Variants in PTPRM observed in about 807,000 individuals in gnomAD.
PTPRM encodes receptor-type tyrosine-protein phosphatase mu.
PTPRM carries 47 observed loss-of-function variants against 186.7 expected under a neutral mutation model. The observed-to-expected ratio is 0.25, with a 90% confidence interval of 0.20 to 0.32. The LOEUF is 0.32. Ranked by LOEUF, PTPRM falls within the 10% of genes least tolerant of loss-of-function variation. The pLI, the probability that PTPRM is intolerant of heterozygous loss-of-function variation, is 1.00. For synonymous variants in PTPRM, 668 were observed against 674.9 expected (o/e 0.99, Z 0.16); for missense variants, 1,494 against 1,865.0 (o/e 0.80, Z 3.66).
chr18:7,782,187 G>A (rs753967743), intron 2 of PTPRM, among the ~76,000 whole-genome samples: 1 of 152,188 alleles, frequency 6.6e-6, no homozygotes, highest in Non-Finnish European at 1.5e-5. Flanking sequence ...CAGGCTCTGT[G>A]TAGCCTCTTT....
intron 29 of PTPRM, among the ~76,000 whole-genome samples, chr18:8,382,968 C>G (rs892641058): frequency 6.6e-6 from 1 of 152,134 alleles, no homozygotes; most frequent in Non-Finnish European, 1.5e-5. Flanking sequence ...CCTTGCCTTT[C>G]CATAGGCCAC....
chr18:7,780,286 T>A (rs1289116520), intron 2 of PTPRM, among the ~76,000 whole-genome samples: 2 of 152,190 alleles, frequency 1.3e-5, no homozygotes, highest in African/African-American at 4.8e-5. Context: ...TTTTACAACA[T>A]AGGAAACTGA....
intron 2 of PTPRM, among the ~76,000 whole-genome samples, chr18:7,837,367 T>A (rs1431856951): frequency 6.6e-6 from 1 of 152,242 alleles, no homozygotes; most frequent in Non-Finnish European, 1.5e-5. Context: ...ACTTTTTAAT[T>A]ATTTCAGTCT....
chr18:7,818,077 TC>T (rs1320614717), intron 2 of PTPRM, among the ~76,000 whole-genome samples: 1 of 152,222 alleles, frequency 6.6e-6, no homozygotes, highest in African/African-American at 2.4e-5. Flanking sequence ...CAAAATTATT[TC>T]CCTTTTATCT....
chr18:7,802,833 T>C (rs1461114634), intron 2 of PTPRM, among the ~76,000 whole-genome samples: 1 of 152,218 alleles, frequency 6.6e-6, no homozygotes, highest in African/African-American at 2.4e-5. Context: ...CTGTTATGTT[T>C]CATGCACTCT....
intron 20 of PTPRM, among the ~76,000 whole-genome samples, chr18:8,313,258 T>A (rs2095283125): frequency 6.6e-6 from 1 of 152,084 alleles, no homozygotes; most frequent in Non-Finnish European, 1.5e-5. Flanking sequence ...GGAAGTGAAG[T>A]TTTGCAAAAT....
At chr18:7,905,925 CGTT>C (rs1274103049) in intron 3 of PTPRM, among the ~76,000 whole-genome samples, 1 of 152,160 alleles carries the variant, frequency 6.6e-6, no homozygotes, top group Non-Finnish European at 1.5e-5. Flanking sequence ...TGAATCTTAA[CGTT>C]GTCTCTTGAG....
intron 2 of PTPRM, among the ~76,000 whole-genome samples, chr18:7,860,825 C>T (rs1042512776): frequency 2.0e-5 from 3 of 152,156 alleles, no homozygotes; most frequent in Non-Finnish European, 4.4e-5. Context: ...AGGCCCACTC[C>T]CTACTCTGTC....
chr18:8,213,047 G>C (rs572135315), intron 14 of PTPRM, among the ~76,000 whole-genome samples: 1 of 152,130 alleles, frequency 6.6e-6, no homozygotes, highest in Non-Finnish European at 1.5e-5. Context: ...GCCAAATAAC[G>C]TGCAGCACTG....
intron 7 of PTPRM, among the ~76,000 whole-genome samples, chr18:8,048,606 G>A (rs1476420675): frequency 6.6e-6 from 1 of 151,828 alleles, no homozygotes; most frequent in Non-Finnish European, 1.5e-5. Context: ...AAAGTTGGTA[G>A]TGAAAACACA....
chr18:7,622,005 A>G (rs1567988244), intron 1 of PTPRM, among the ~76,000 whole-genome samples: 1 of 152,154 alleles, frequency 6.6e-6, no homozygotes, highest in African/African-American at 2.4e-5. Context: ...GCTGGATCAT[A>G]TGGTAAGAAT....
intron 1 of PTPRM, among the ~76,000 whole-genome samples, chr18:7,570,513 A>G (rs1197249557): frequency 2.0e-5 from 3 of 152,232 alleles, no homozygotes; most frequent in Admixed American, 6.5e-5. Flanking sequence ...ATAAATCACT[A>G]ATGAGAATCT....
At chr18:8,106,990 A>G (rs1179653010) in intron 11 of PTPRM, among the ~76,000 whole-genome samples, 1 of 152,234 alleles carries the variant, frequency 6.6e-6, no homozygotes, top group Non-Finnish European at 1.5e-5. Flanking sequence ...TAAAATACAA[A>G]CTATAAAATA....
intron 15 of PTPRM, among the ~76,000 whole-genome samples, chr18:8,247,162 G>A (rs191666272): frequency 5.5e-4 from 84 of 152,136 alleles, no homozygotes; most frequent in African/African-American, 1.7e-3. Context: ...CATGAAGAGC[G>A]TTTTAAAATG....
intron 19 of PTPRM, among the ~76,000 whole-genome samples, chr18:8,292,188 A>G (rs1043764211): frequency 3.3e-5 from 5 of 152,246 alleles, no homozygotes; most frequent in African/African-American, 1.2e-4. Context: ...AATTTAAACA[A>G]TTGGTTTTTG....
intron 5 of PTPRM, among the ~76,000 whole-genome samples, chr18:7,945,905 G>A (rs2052491574): frequency 6.6e-6 from 1 of 152,210 alleles, no homozygotes; most frequent in African/African-American, 2.4e-5. Flanking sequence ...TGCTATTCCT[G>A]TGTAGATTCT....
At chr18:7,685,300 G>A (rs556865585) in intron 1 of PTPRM, among the ~76,000 whole-genome samples, 3 of 152,224 alleles carry the variant, frequency 2.0e-5, no homozygotes, top group Non-Finnish European at 2.9e-5. Flanking sequence ...CAGTAGTGAT[G>A]GCTAATTTTA....
At chr18:8,327,635 C>T (rs1423124688) in intron 22 of PTPRM, among the ~76,000 whole-genome samples, 3 of 152,168 alleles carry the variant, frequency 2.0e-5, no homozygotes, top group Admixed American at 1.3e-4. Context: ...GAGGATGGCT[C>T]ATGTTGGCCC....
intron 4 of PTPRM, among the ~76,000 whole-genome samples, chr18:7,914,383 A>G (rs1227287355): frequency 2.6e-5 from 4 of 152,156 alleles, no homozygotes; most frequent in Non-Finnish European, 4.4e-5. Context: ...ATTAAAGCCT[A>G]TTCTTACCTT....
Sources: allele counts gnomAD v4.1 joint callset (sites outside exome capture counted in the v4.1 genomes callset), GRCh38; gene constraint gnomAD v4.1.1; transcripts MANE v1.5; gene names NCBI Gene and HGNC (gene_info 2026-07-23, HGNC 2026-07-21).